CCDC192: variants seen among roughly 807,000 people sequenced by gnomAD.
CCDC192 encodes coiled-coil domain containing 192.
In CCDC192 at chr5:127,880,199, A is replaced by G. The variant is rs1400195959; in HGVS notation, c.535+4538A>G. Among the ~76,000 whole-genome samples the G allele has an allele frequency of 1.5e-4, 22 of 151,446 alleles. No individual in the cohort carries two copies. The South Asian group carries it at 4.6e-3, about 32-fold the overall frequency. Reference sequence around the variant, plus strand: ...TCACAATAGCAAAGACTTGGAACCAACCCAAATGTTCAACAATGATAGACT... The same window carrying G: ...TCACAATAGCAAAGACTTGGAACCAGCCCAAATGTTCAACAATGATAGACT... On this transcript the variant is annotated intron_variant, in intron 6 of 6. Coordinates refer to ENST00000514853, the MANE Select transcript of CCDC192 (RefSeq NM_001317938.2).
At chr5:127,878,977 G>A (rs1188692250) in intron 6 of CCDC192, among the ~76,000 whole-genome samples, 1 of 148,490 alleles carries the variant, frequency 6.7e-6, no homozygotes, top group Non-Finnish European at 1.5e-5. Flanking sequence ...AATTGTGAAT[G>A]GGAGTTCACT....
chr5:127,922,139 A>G (rs751489243), intron 6 of CCDC192, among the ~76,000 whole-genome samples: 8 of 152,212 alleles, frequency 5.3e-5, no homozygotes, highest in South Asian at 2.1e-4. Flanking sequence ...GTCAAAATCA[A>G]TAAACTGCAT....
At chr5:127,763,272 C>G (rs1055319220) in intron 3 of CCDC192, among the ~76,000 whole-genome samples, 1 of 152,222 alleles carries the variant, frequency 6.6e-6, no homozygotes, top group Non-Finnish European at 1.5e-5. Flanking sequence ...CCTTCTCCCA[C>G]ATTCCCTAGG....
chr5:127,757,146 G>C (rs983770224), intron 3 of CCDC192, among the ~76,000 whole-genome samples: 2 of 152,156 alleles, frequency 1.3e-5, no homozygotes, highest in Admixed American at 1.3e-4. Flanking sequence ...GTAGCTCACA[G>C]AGAATAGAAA....
intron 5 of CCDC192, among the ~76,000 whole-genome samples, chr5:127,846,212 C>T (rs1750527035): frequency 6.6e-6 from 1 of 151,698 alleles, no homozygotes; most frequent in Admixed American, 6.6e-5. Flanking sequence ...TTCCTTGAAC[C>T]CGGGAGGCGG....
At chr5:127,831,770 C>G (rs564605938) in intron 5 of CCDC192, among the ~76,000 whole-genome samples, 2 of 151,838 alleles carry the variant, frequency 1.3e-5, no homozygotes, top group Non-Finnish European at 2.9e-5. Flanking sequence ...ACACATACTC[C>G]TGATTAACAT....
At chr5:127,739,259 G>C (rs2126835754) in intron 2 of CCDC192, among the ~76,000 whole-genome samples, 1 of 152,318 alleles carries the variant, frequency 6.6e-6, no homozygotes, top group East Asian at 1.9e-4. Context: ...AGGGGTCAGG[G>C]ACCCACTTGA....
chr5:127,856,574 C>G (rs1327534864), intron 5 of CCDC192, among the ~76,000 whole-genome samples: 1 of 152,204 alleles, frequency 6.6e-6, no homozygotes. Flanking sequence ...TTCAGCTTAT[C>G]TTGGCTTTCA....
intron 5 of CCDC192, among the ~76,000 whole-genome samples, chr5:127,845,941 A>AATTC (rs1750512929): frequency 6.6e-6 from 1 of 152,182 alleles, no homozygotes; most frequent in South Asian, 2.1e-4. Flanking sequence ...TCTTTCCTGC[A>AATTC]ATGGTCTCCC....
At chr5:127,748,335 G>A (rs1753910762) in intron 2 of CCDC192, among the ~76,000 whole-genome samples, 1 of 51,174 alleles carries the variant, frequency 2.0e-5, no homozygotes, top group African/African-American at 6.5e-5. Flanking sequence ...TGGCTAGCCA[G>A]TTTTCCCAGC....
At chr5:127,707,684 A>C (rs995562670) in intron 1 of CCDC192, 25 bp from the exon 2 acceptor site, 7 of 398,284 alleles carry the variant, frequency 1.8e-5, no homozygotes, top group African/African-American at 1.2e-4. Flanking sequence ...AAATTTTGGA[A>C]TTCTAAATGT....
intron 3 of CCDC192, among the ~76,000 whole-genome samples, chr5:127,768,077 C>T (rs188196799): frequency 6.6e-6 from 1 of 152,086 alleles, no homozygotes; most frequent in African/African-American, 2.4e-5. Flanking sequence ...CATGGTGAAA[C>T]CCTGTCTCTA....
intron 5 of CCDC192, among the ~76,000 whole-genome samples, chr5:127,798,839 G>C (rs547475161): frequency 6.6e-6 from 1 of 151,636 alleles, no homozygotes; most frequent in Non-Finnish European, 1.5e-5. Flanking sequence ...GCAAGTACTC[G>C]CCTGAGAGAG....
At chr5:127,713,549 GT>G (rs951659577) in intron 2 of CCDC192, among the ~76,000 whole-genome samples, 31 of 152,246 alleles carry the variant, frequency 2.0e-4, no homozygotes, top group African/African-American at 7.2e-4. Context: ...ATGAACAGAA[GT>G]TTTTTATTTT....
At chr5:127,760,771 G>A (rs1465417378) in intron 3 of CCDC192, among the ~76,000 whole-genome samples, 5 of 149,026 alleles carry the variant, frequency 3.4e-5, no homozygotes, top group African/African-American at 5.0e-5. Flanking sequence ...CAAGAGCCCC[G>A]TGTTATAGTT....
At chr5:127,745,877 C>T (rs1379147845) in intron 2 of CCDC192, among the ~76,000 whole-genome samples, 1 of 152,200 alleles carries the variant, frequency 6.6e-6, no homozygotes, top group Non-Finnish European at 1.5e-5. Flanking sequence ...TATCTTTCTG[C>T]CCTTCTGCCA....
At chr5:127,728,228 A>C (rs1406542669) in intron 2 of CCDC192, among the ~76,000 whole-genome samples, 1 of 152,220 alleles carries the variant, frequency 6.6e-6, no homozygotes, top group African/African-American at 2.4e-5. Context: ...GGTCAACCCC[A>C]AGACACATAA....
chr5:127,924,536 A>T (rs1220700975), intron 6 of CCDC192, among the ~76,000 whole-genome samples: 2 of 152,252 alleles, frequency 1.3e-5, no homozygotes, highest in African/African-American at 4.8e-5. Flanking sequence ...TTTTAAAGCC[A>T]GGAATATTCC....
At chr5:127,904,403 C>A (rs1369459579) in intron 6 of CCDC192, among the ~76,000 whole-genome samples, 1 of 152,062 alleles carries the variant, frequency 6.6e-6, no homozygotes, top group Admixed American at 6.5e-5. Flanking sequence ...TATTTCTGCA[C>A]CTTCATACAT....
Sources: gnomAD v4.1 joint callset for allele counts (sites outside exome capture counted in the v4.1 genomes callset) on GRCh38, gnomAD v4.1.1 for gene constraint, MANE v1.5 for transcripts, NCBI Gene and HGNC (gene_info 2026-07-23, HGNC 2026-07-21) for gene names.